The following ZNF609 variants were observed in gnomAD, a reference collection of about 807,000 sequenced individuals.
ZNF609 encodes the protein zinc finger protein 609.
ZNF609 carries 11 observed loss-of-function variants against 109.5 expected under a neutral mutation model. That is an observed-to-expected ratio of 0.10 (90% confidence interval 0.06 to 0.17). ZNF609 has a LOEUF of 0.17. Ranked by LOEUF, ZNF609 falls within the 10% of genes least tolerant of loss-of-function variation. The pLI is 1.00. For synonymous variants in ZNF609, 646 were observed against 662.0 expected, an observed-to-expected ratio of 0.98 and a Z score of 0.37; for missense variants, 1,559 against 1,772.4, an observed-to-expected ratio of 0.88 and a Z score of 2.16.
chr15:64,635,145 C>A (rs536242899), intron 3 of ZNF609, among the ~76,000 whole-genome samples: 1 of 152,146 alleles, frequency 6.6e-6, no homozygotes, highest in African/African-American at 2.4e-5. Context: ...CTCCCTCCCC[C>A]AAGCAAAGCA....
Position 64,576,969 on chromosome 15 carries a change from TAA to T in ZNF609, c.748-45856_748-45855del, listed in dbSNP as rs1295614920. 2.2e-3 allele frequency among the ~76,000 whole-genome samples: 308 copies of T among 137,082 alleles called. 9 individuals carry two copies. Among genetic ancestry groups the T allele is most frequent in the African/African-American group, 8.0e-3 (290 of 36,058 alleles). The allele number at this position is 137,082 out of a possible 152,430, so 89.9% of individuals were successfully genotyped here. A position where few individuals can be genotyped will look rare whatever the true frequency, so the allele number is the denominator to read the frequency against. ...ATATACATATATGTATATATACACA[TAA>T]ATATATATATGTATGTATACACATA... On this transcript the variant is annotated intron_variant, in intron 2 of 9. Transcript: ENST00000326648.
chr15:64,529,516 G>T (rs1412709077), intron 2 of ZNF609: 1 of 1,153,264 alleles, frequency 8.7e-7, no homozygotes, highest in Non-Finnish European at 1.3e-6. Flanking sequence ...TTTGCCATGT[G>T]TAGAATCATA....
intron 3 of ZNF609, among the ~76,000 whole-genome samples, chr15:64,633,224 T>C (rs1284025287): frequency 6.6e-6 from 1 of 151,968 alleles, no homozygotes; most frequent in Non-Finnish European, 1.5e-5. Context: ...CACAGCTCCC[T>C]GCAGCCTCCA....
At chr15:64,656,727 TTTC>T (rs1483325075) in intron 3 of ZNF609, among the ~76,000 whole-genome samples, 1 of 151,740 alleles carries the variant, frequency 6.6e-6, no homozygotes, top group Non-Finnish European at 1.5e-5. Flanking sequence ...CCTCTTTTCT[TTTC>T]TTTTTTCCTC....
chr15:64,552,457 C>T (rs940516883), intron 2 of ZNF609, among the ~76,000 whole-genome samples: 12 of 151,952 alleles, frequency 7.9e-5, no homozygotes, highest in African/African-American at 1.7e-4. Flanking sequence ...CTGAAACCTC[C>T]GCTTCTCAGG....
intron 2 of ZNF609, among the ~76,000 whole-genome samples, chr15:64,609,526 T>A (rs1363638143): frequency 6.6e-6 from 1 of 150,442 alleles, no homozygotes; most frequent in Non-Finnish European, 1.5e-5. Context: ...TCCAGGCTGG[T>A]CTTGAACTCC....
intron 2 of ZNF609, chr15:64,529,516 G>A: frequency 8.7e-7 from 1 of 1,153,266 alleles, no homozygotes. Flanking sequence ...TTTGCCATGT[G>A]TAGAATCATA....
chr15:64,630,197 A>G (rs1595745817), intron 3 of ZNF609, among the ~76,000 whole-genome samples: 1 of 145,298 alleles, frequency 6.9e-6, no homozygotes, highest in Admixed American at 7.1e-5. Context: ...TCAGCCTCCC[A>G]AGTAGCTGGG....
chr15:64,637,596 A>G (rs1390703187), intron 3 of ZNF609, among the ~76,000 whole-genome samples: 4 of 152,112 alleles, frequency 2.6e-5, no homozygotes. Flanking sequence ...GTGTAGTGGT[A>G]TCTCATTGTG....
At chr15:64,656,775 C>T (rs1403093994) in intron 3 of ZNF609, among the ~76,000 whole-genome samples, 1 of 151,208 alleles carries the variant, frequency 6.6e-6, no homozygotes, top group East Asian at 1.9e-4. Context: ...TTCTCCTCCC[C>T]TCCCCTCTCT....
intron 3 of ZNF609, among the ~76,000 whole-genome samples, chr15:64,658,843 T>G (rs1430177988): frequency 2.0e-5 from 3 of 152,162 alleles, no homozygotes; most frequent in East Asian, 3.8e-4. Context: ...TTTTATAGAT[T>G]ATATCTATTG....
rs2083215781 is a variant in ZNF609, at chr15:64,682,438, A to T, written c.*752A>T. ...CACAGGGCTCCCCAGGGACACTGGG[A>T]GCAAGCTGGTGCTGGAGCATGAATG... On this transcript the variant is annotated 3_prime_UTR_variant, in exon 10 of 10. Coordinates refer to ENST00000326648, the MANE Select transcript of ZNF609 (RefSeq NM_015042.2). 1 of 152,686 alleles carries T rather than the reference A, an allele frequency of 6.5e-6. No individual in the cohort carries two copies. Among genetic ancestry groups the T allele is most frequent in the Non-Finnish European group, 1.5e-5 (1 of 68,054 alleles). The allele number at this position is 152,686 out of a possible 1,614,324, so 9.5% of individuals were successfully genotyped here.
chr15:64,471,978 T>A (rs1893098140), intron 1 of ZNF609, among the ~76,000 whole-genome samples: 1 of 152,056 alleles, frequency 6.6e-6, no homozygotes, highest in Non-Finnish European at 1.5e-5. Context: ...TGGCACAATC[T>A]CAGCTAACTG....
intron 1 of ZNF609, among the ~76,000 whole-genome samples, chr15:64,473,164 C>T (rs1188893387): frequency 1.5e-5 from 2 of 136,718 alleles, no homozygotes; most frequent in Non-Finnish European, 3.1e-5. Context: ...GTTGCTTTGG[C>T]TTAAAACTTT....
intron 2 of ZNF609, among the ~76,000 whole-genome samples, chr15:64,598,780 A>C (rs1048063333): frequency 2.3e-5 from 3 of 133,226 alleles, no homozygotes; most frequent in African/African-American, 8.8e-5. Flanking sequence ...ATATATATAT[A>C]TATATATCCT....
At chr15:64,628,669 A>G (rs570079568) in intron 3 of ZNF609, among the ~76,000 whole-genome samples, 7 of 152,264 alleles carry the variant, frequency 4.6e-5, no homozygotes, top group African/African-American at 1.2e-4. Context: ...CTTCTTGCCC[A>G]GGCTGGAGTG....
In ZNF609 at chr15:64,670,405, TGCA is replaced by T. The variant is rs1896708641; in HGVS notation, c.1034_1036del (p.Cys345_Thr346delinsSer). On this transcript the variant is annotated inframe_deletion, in exon 4 of 10. Coordinates refer to ENST00000326648, the MANE Select transcript of ZNF609 (RefSeq NM_015042.2). Reference sequence around the variant, plus strand: ...GACATATGTAGGTACACTCCTTGACTGCACACGACATGATTGGGCACCCCCAAG... The same window carrying T: ...GACATATGTAGGTACACTCCTTGACTCACGACATGATTGGGCACCCCCAAG... The T allele has an allele frequency of 6.2e-7, 1 of 1,614,058 alleles. No homozygotes were observed. The highest frequency in any genetic ancestry group is 1.3e-5 in the African/African-American group (1 of 74,940).
chr15:64,654,957 G>A (rs983699275), intron 3 of ZNF609, among the ~76,000 whole-genome samples: 6 of 152,050 alleles, frequency 3.9e-5, no homozygotes, highest in East Asian at 1.9e-4. Context: ...TTAGCTGAGC[G>A]TGGTGATGGG....
intron 3 of ZNF609, among the ~76,000 whole-genome samples, chr15:64,658,931 T>C (rs181807385): frequency 1.3e-5 from 2 of 152,316 alleles, no homozygotes; most frequent in African/African-American, 4.8e-5. Flanking sequence ...TACATGGTAA[T>C]ATAAATAGTA....
Sources: allele counts gnomAD v4.1 joint callset (sites outside exome capture counted in the v4.1 genomes callset), GRCh38; gene constraint gnomAD v4.1.1; transcripts MANE v1.5; gene names NCBI Gene and HGNC (gene_info 2026-07-23, HGNC 2026-07-21).